The following CNTNAP4 variants were observed in gnomAD, a reference collection of about 807,000 sequenced individuals.
CNTNAP4 encodes the protein contactin associated protein family member 4, also known as contactin-associated protein-like 4.
A neutral mutation model predicts 148.4 loss-of-function variants in CNTNAP4; 98 were observed. The ratio of observed to expected loss-of-function variants is 0.66; its 90% confidence interval spans 0.56 to 0.78. The LOEUF (loss-of-function observed/expected upper bound fraction) is 0.78, where lower values mean the gene tolerates loss of function less well. Among genes scored for constraint, CNTNAP4 ranks in the 30% least tolerant of loss-of-function variants. CNTNAP4 has a pLI of 0.00. For missense variants in CNTNAP4, 1,935 were observed against 1,565.6 expected (o/e 1.24, Z -3.98); for synonymous variants, 730 against 565.1 (o/e 1.29, Z -4.14).
At chr16:76,449,906 C>G (rs2080396563) in intron 7 of CNTNAP4, 48 bp downstream of exon 7, 5 of 1,502,242 alleles carry the variant, frequency 3.3e-6, no homozygotes, top group Non-Finnish European at 4.5e-6. Flanking sequence ...TTTCTTTTTT[C>G]CACACAGTAA....
intron 3 of CNTNAP4, among the ~76,000 whole-genome samples, chr16:76,424,886 A>G (rs1041768323): frequency 1.3e-5 from 2 of 152,234 alleles, no homozygotes; most frequent in African/African-American, 4.8e-5. Context: ...AGTTCGGGAA[A>G]CATTGCCCTA....
Position 76,549,336 on chromosome 16 carries a change from G to C in CNTNAP4, c.3443-3947G>C, listed in dbSNP as rs7193099. 2.5e-3 allele frequency among the ~76,000 whole-genome samples: 382 copies of C among 152,262 alleles called. 2 individuals carry two copies. The highest frequency in any genetic ancestry group is 8.8e-3 in the African/African-American group (365 of 41,552). On this transcript the variant is annotated intron_variant, in intron 21 of 23. Coordinates refer to ENST00000611870, the MANE Select transcript of CNTNAP4 (RefSeq NM_033401.5). ...CATGCCCTCTCTGTCCCAAAGCTGA[G>C]TGAGGAGAGGTTTCTTCTTAGGGCT... is the stretch of plus-strand genomic sequence containing the variant.
chr16:76,456,836 T>A (rs888390732), intron 8 of CNTNAP4, among the ~76,000 whole-genome samples: 3 of 151,300 alleles, frequency 2.0e-5, no homozygotes, highest in African/African-American at 7.3e-5. Flanking sequence ...CAGTCTTGGT[T>A]TTCTGTTTTC....
At chr16:76,308,884 G>A (rs1457718657) in intron 1 of CNTNAP4, among the ~76,000 whole-genome samples, 1 of 151,982 alleles carries the variant, frequency 6.6e-6, no homozygotes, top group Admixed American at 6.6e-5. Flanking sequence ...GTGTGCAGTG[G>A]TGCGATCATA....
At chr16:76,277,785 G>C in intron 1 of CNTNAP4, 38 bp downstream of exon 1, 2 of 1,270,060 alleles carry the variant, frequency 1.6e-6, no homozygotes, top group Non-Finnish European at 2.3e-6. Flanking sequence ...TTGCTGGGGG[G>C]CTCTCTGCAA....
intron 3 of CNTNAP4, among the ~76,000 whole-genome samples, chr16:76,390,574 T>TAAAAAA (rs10670094): frequency 6.9e-6 from 1 of 144,748 alleles, no homozygotes. Context: ...AAATAACAGG[T>TAAAAAA]AAAAAAAAAA....
chr16:76,393,700 T>G (rs1418070355), intron 3 of CNTNAP4, among the ~76,000 whole-genome samples: 1 of 151,198 alleles, frequency 6.6e-6, no homozygotes, highest in East Asian at 1.9e-4. Context: ...AAAAAAAAAA[T>G]TGAAAGACTC....
intron 2 of CNTNAP4, among the ~76,000 whole-genome samples, chr16:76,321,812 A>C (rs987312711): frequency 2.0e-5 from 3 of 150,296 alleles, no homozygotes; most frequent in African/African-American, 7.3e-5. Context: ...AAAAAACTTT[A>C]TAATAATTAA....
intron 14 of CNTNAP4, among the ~76,000 whole-genome samples, chr16:76,497,415 G>A (rs1016071553): frequency 6.6e-6 from 1 of 152,034 alleles, no homozygotes; most frequent in African/African-American, 2.4e-5. Flanking sequence ...TAGCTAAAAT[G>A]TGAATAAAGA....
At chr16:76,441,940 G>A (rs1205344459) in intron 4 of CNTNAP4, among the ~76,000 whole-genome samples, 1 of 152,024 alleles carries the variant, frequency 6.6e-6, no homozygotes, top group Non-Finnish European at 1.5e-5. Context: ...TGAGACAACA[G>A]GGACAAAGAG....
rs148218041 is a variant in CNTNAP4 at position 76,296,583 on chromosome 16, C to G, written c.85+18836C>G. On this transcript the variant is annotated intron_variant, in intron 1 of 23. Transcript: ENST00000611870. The stretch of plus-strand genomic sequence containing the variant: ...AGTGCCTGCCATATTGAAGTATGTT[C>G]TAGAACACAGGCATATAAAGATATA... Among the ~76,000 whole-genome samples the G allele has an allele frequency of 4.7e-3, 719 of 151,940 alleles. 4 individuals are homozygous for G. The highest frequency in any genetic ancestry group is 0.016 in the African/African-American group (681 of 41,398).
At chr16:76,486,542 T>C (rs1332618161) in intron 12 of CNTNAP4, among the ~76,000 whole-genome samples, 1 of 152,040 alleles carries the variant, frequency 6.6e-6, no homozygotes, top group Admixed American at 6.6e-5. Flanking sequence ...ACAGTGCCTG[T>C]ATTTCTAGAC....
In CNTNAP4 at chr16:76,395,337, C is replaced by T. The variant is rs551846913; in HGVS notation, c.391-32115C>T. Among the ~76,000 whole-genome samples the T allele has an allele frequency of 3.0e-4, 45 of 151,286 alleles. 1 individual carries two copies. The South Asian group carries it at 9.2e-3, about 31-fold the overall frequency. On this transcript the variant is annotated intron_variant, in intron 3 of 23. Transcript: ENST00000611870. The stretch of plus-strand genomic sequence containing the variant: ...CTGGAATGCAATGGCGCAATCTTGG[C>T]TCATTGCAACCTCTGCCTCCAGGGT...
At chr16:76,333,707 T>C (rs542866280) in intron 2 of CNTNAP4, among the ~76,000 whole-genome samples, 1 of 151,758 alleles carries the variant, frequency 6.6e-6, no homozygotes, top group East Asian at 1.9e-4. Context: ...AATATTACAG[T>C]GTACTAACTC....
intron 10 of CNTNAP4, among the ~76,000 whole-genome samples, chr16:76,468,802 A>T (rs1030547748): frequency 6.6e-6 from 1 of 152,206 alleles, no homozygotes; most frequent in East Asian, 1.9e-4. Context: ...GTGGTTAGGC[A>T]TGAGCAACTA....
At chr16:76,405,062 T>C (rs991399666) in intron 3 of CNTNAP4, among the ~76,000 whole-genome samples, 4 of 152,174 alleles carry the variant, frequency 2.6e-5, no homozygotes, top group Non-Finnish European at 5.9e-5. Context: ...GATAAATGCA[T>C]GTATTTCAAA....
At chr16:76,355,665 T>C (rs72628211) in intron 3 of CNTNAP4, among the ~76,000 whole-genome samples, 154 bp downstream of exon 3, 19,950 of 152,064 alleles carry the variant, frequency 0.13, 1,998 homozygotes, top group East Asian at 0.48. Flanking sequence ...ATAATCATTT[T>C]CCAATACATT....
rs560537473 is a variant in CNTNAP4, at chr16:76,316,987, C to T, written c.196+464C>T. 3.3e-5 allele frequency among the ~76,000 whole-genome samples: 5 copies of T among 152,116 alleles called. No individual in the cohort carries two copies. The East Asian group carries it at 9.6e-4, about 29-fold the overall frequency. Reference sequence around the variant, plus strand: ...TCATGGTCCTTTAGGAGTACTCAGCCAGGTGTGGTGGTTCATGCCTATAAT... The same window carrying T: ...TCATGGTCCTTTAGGAGTACTCAGCTAGGTGTGGTGGTTCATGCCTATAAT... On this transcript the variant is annotated intron_variant, in intron 2 of 23. Transcript: ENST00000611870.
rs565776259 is a variant in CNTNAP4 at position 76,494,536 on chromosome 16, T to C, written c.2081-374T>C. 3.6e-3 allele frequency among the ~76,000 whole-genome samples: 544 copies of C among 152,296 alleles called. 2 individuals are homozygous for C. Among genetic ancestry groups the C allele is most frequent in the African/African-American group, 0.013 (521 of 41,584 alleles). ...TCATGATTTCAAATCAATTTTGCTT[T>C]GGTATGTTAATTACTATGATTTATA... On this transcript the variant is annotated intron_variant, in intron 13 of 23. Transcript: ENST00000611870.
Sources: gnomAD v4.1 joint callset for allele counts (sites outside exome capture counted in the v4.1 genomes callset) on GRCh38, gnomAD v4.1.1 for gene constraint, MANE v1.5 for transcripts, NCBI Gene and HGNC (gene_info 2026-07-23, HGNC 2026-07-21) for gene names.